Variants in PCDH11X observed in about 807,000 individuals in gnomAD.
The protein encoded by PCDH11X is protocadherin 11 X-linked.
Under a neutral mutation model 53.3 loss-of-function variants are expected in PCDH11X, and 18 were observed. The observed-to-expected ratio is 0.34, with a 90% CI of 0.23 to 0.50. The LOEUF (loss-of-function observed/expected upper bound fraction) is 0.50. Among genes scored for constraint, PCDH11X ranks in the 20% least tolerant of loss-of-function variants. The pLI, the probability that PCDH11X is intolerant of heterozygous loss-of-function variation, is 0.98. For missense variants in PCDH11X, 570 were observed against 1,032.4 expected, an observed-to-expected ratio of 0.55 and a Z score of 6.14; for synonymous variants, 279 against 393.3, an observed-to-expected ratio of 0.71 and a Z score of 3.44.
chrX:92,072,010 A>G (rs1424851503), intron 6 of PCDH11X, among the ~76,000 whole-genome samples: 58 of 110,966 alleles, frequency 5.2e-4, no homozygotes, highest in Non-Finnish European at 1.9e-5. Flanking sequence ...ACCACAATAC[A>G]AAGTCCTTCC....
intron 1 of PCDH11X, among the ~76,000 whole-genome samples, chrX:91,789,485 C>T (rs1004749367): frequency 2.4e-5 from 2 of 84,212 alleles, no homozygotes; most frequent in Non-Finnish European, 4.6e-5. Flanking sequence ...ACCCTTCAGT[C>T]TGCCTCCACA....
At chrX:92,396,142 A>G (rs903051562) in intron 9 of PCDH11X, among the ~76,000 whole-genome samples, 3 of 107,089 alleles carry the variant, frequency 2.8e-5, no homozygotes, top group Non-Finnish European at 3.9e-5. Context: ...TAATGTAGTT[A>G]AATTGTGTGT....
Position 91,822,606 on chromosome X carries a change from G to A in PCDH11X, c.-45+11311G>A, listed in dbSNP as rs1272137662. Among the ~76,000 whole-genome samples, 35 of 101,611 alleles carry A rather than the reference G, an allele frequency of 3.4e-4. 1 individual carries two copies. The highest frequency in any genetic ancestry group is 5.0e-4 in the Non-Finnish European group (25 of 49,997). The allele number at this position is 101,611 out of a possible 115,157, so 88.2% of individuals were successfully genotyped here. A position where few individuals can be genotyped will look rare whatever the true frequency, so the allele number is the denominator to read the frequency against. On this transcript the variant is annotated intron_variant, in intron 4 of 10. Transcript: ENST00000682573. Reference sequence around the variant, plus strand: ...TTGCTAGCAGTCTATCAATTTTGTTGATCCTTTCAAAAAACCAGCTCCTGG... The same window carrying A: ...TTGCTAGCAGTCTATCAATTTTGTTAATCCTTTCAAAAAACCAGCTCCTGG...
chrX:92,529,979 C>CT (rs992000466), intron 10 of PCDH11X, among the ~76,000 whole-genome samples: 1 of 91,216 alleles, frequency 1.1e-5, no homozygotes, highest in African/African-American at 3.9e-5. Flanking sequence ...GCATTGACCT[C>CT]TTTTTTGTGA....
chrX:91,946,940 T>C (rs1285196100), intron 6 of PCDH11X, among the ~76,000 whole-genome samples: 9 of 106,552 alleles, frequency 8.4e-5, no homozygotes, highest in Admixed American at 2.1e-4. Context: ...CATGCTTCAA[T>C]TCTTGGGGTT....
rs1373432617 is a variant in PCDH11X at position 92,004,655 on chromosome X, GT to G, written c.3033+125387del. Among the ~76,000 whole-genome samples the G allele has an allele frequency of 3.7e-5, 4 of 107,598 alleles. No individual in the cohort carries two copies. The East Asian group carries it at 1.2e-3, about 33-fold the overall frequency. 93.4% of individuals were successfully genotyped at this position (107,598 alleles called of 115,157 possible). On this transcript the variant is annotated intron_variant, in intron 6 of 10. Coordinates refer to ENST00000682573, the MANE Select transcript of PCDH11X (RefSeq NM_032968.5). ...GTGAACTTCTTTGTCTCTTCTCATA[GT>G]TTTTGTCTTGAAATCTAATTTGTCT...
intron 10 of PCDH11X, among the ~76,000 whole-genome samples, chrX:92,576,914 T>C (rs763660954): frequency 9.0e-6 from 1 of 111,659 alleles, no homozygotes; most frequent in East Asian, 2.8e-4. Flanking sequence ...GTAAATTTTA[T>C]ACTTTCAGGT....
At chrX:92,580,505 G>A (rs779469382) in intron 10 of PCDH11X, among the ~76,000 whole-genome samples, 1 of 108,973 alleles carries the variant, frequency 9.2e-6, no homozygotes, top group Admixed American at 9.7e-5. Context: ...ATCTAAAGAA[G>A]TAGTCAGGCC....
intron 10 of PCDH11X, among the ~76,000 whole-genome samples, chrX:92,473,628 G>T (rs2073315537): frequency 1.8e-5 from 2 of 110,464 alleles, no homozygotes; most frequent in Non-Finnish European, 3.8e-5. Context: ...ATATCCCATA[G>T]GGCTCAGTAT....
At chrX:92,068,205 AGTTT>A (rs968339560) in intron 6 of PCDH11X, among the ~76,000 whole-genome samples, 19 of 106,722 alleles carry the variant, frequency 1.8e-4, no homozygotes, top group African/African-American at 6.3e-4. Flanking sequence ...GTTTGTATTG[AGTTT>A]GTTCTTGCTT....
intron 7 of PCDH11X, among the ~76,000 whole-genome samples, chrX:92,250,497 A>G (rs987274363): frequency 2.9e-4 from 32 of 108,921 alleles, no homozygotes; most frequent in African/African-American, 1.1e-3. Context: ...TGAGGTGAAT[A>G]TTTTTAATTT....
intron 6 of PCDH11X, among the ~76,000 whole-genome samples, chrX:92,175,218 C>A (rs917132357): frequency 9.0e-6 from 1 of 111,306 alleles, no homozygotes. Flanking sequence ...CTCAGGTGAT[C>A]CACCCGCCTC....
intron 8 of PCDH11X, among the ~76,000 whole-genome samples, chrX:92,264,090 A>G (rs1407268608): frequency 1.8e-5 from 2 of 112,277 alleles, no homozygotes; most frequent in East Asian, 2.8e-4. Context: ...TTCTAGCTTA[A>G]GAAACCACAC....
At chrX:92,290,024 G>A (rs1291858970) in intron 8 of PCDH11X, among the ~76,000 whole-genome samples, 4 of 111,074 alleles carry the variant, frequency 3.6e-5, no homozygotes, top group Admixed American at 1.9e-4. Context: ...GAATGATAGA[G>A]GTAACATTTA....
chrX:91,989,558 A>C (rs1206070140), intron 6 of PCDH11X, among the ~76,000 whole-genome samples: 1 of 97,407 alleles, frequency 1.0e-5, no homozygotes, highest in Non-Finnish European at 2.1e-5. Flanking sequence ...GCGAGACTCT[A>C]TCTCAAAAAC....
chrX:92,611,492 T>C (rs1385031608), intron 10 of PCDH11X, among the ~76,000 whole-genome samples: 1 of 110,585 alleles, frequency 9.0e-6, no homozygotes, highest in African/African-American at 3.3e-5. Flanking sequence ...CAATGTTCTT[T>C]AGGGTTTTCT....
chrX:92,464,325 G>A (rs956649613), intron 9 of PCDH11X, among the ~76,000 whole-genome samples: 1 of 110,793 alleles, frequency 9.0e-6, no homozygotes, highest in African/African-American at 3.3e-5. Context: ...GGAGGGACCT[G>A]GTAGGAGGTA....
intron 6 of PCDH11X, among the ~76,000 whole-genome samples, chrX:92,047,133 C>T (rs1279882395): frequency 2.5e-5 from 2 of 78,749 alleles, no homozygotes; most frequent in Non-Finnish European, 4.1e-5. Context: ...TAATACCGTA[C>T]ATTTTAATGG....
At chrX:92,537,253 G>GT (rs1569502180) in intron 10 of PCDH11X, among the ~76,000 whole-genome samples, 2 of 106,060 alleles carry the variant, frequency 1.9e-5, no homozygotes, top group Non-Finnish European at 3.9e-5. Context: ...TACTTCTGGA[G>GT]TATTACTTAA....
Sources: allele counts gnomAD v4.1 joint callset (sites outside exome capture counted in the v4.1 genomes callset), GRCh38; gene constraint gnomAD v4.1.1; transcripts MANE v1.5; gene names NCBI Gene and HGNC (gene_info 2026-07-23, HGNC 2026-07-21).